The following CCDC85A variants were observed in gnomAD, a reference collection of about 807,000 sequenced individuals.
The protein encoded by CCDC85A is coiled-coil domain-containing protein 85A.
Under a neutral mutation model 50.2 loss-of-function variants are expected in CCDC85A, and 38 were observed. The observed-to-expected ratio is 0.76, with a 90% CI of 0.58 to 0.99. The LOEUF (loss-of-function observed/expected upper bound fraction) is 0.99, where lower values mean the gene tolerates loss of function less well. Ranked by LOEUF, CCDC85A falls within the 50% of genes least tolerant of loss-of-function variation. The probability of loss-of-function intolerance (pLI) is 0.00; values close to 1 mark genes in which losing one functional copy is unlikely to be tolerated. For missense variants in CCDC85A, 820 were observed against 742.0 expected (o/e 1.11, Z -1.22); for synonymous variants, 366 against 301.4 (o/e 1.21, Z -2.22).
At chr2:56,202,361 C>T (rs546825175) in intron 2 of CCDC85A, among the ~76,000 whole-genome samples, 1 of 152,320 alleles carries the variant, frequency 6.6e-6, no homozygotes, top group East Asian at 1.9e-4. Flanking sequence ...GGGAGTTCAA[C>T]AACCTTAGTA....
intron 2 of CCDC85A, among the ~76,000 whole-genome samples, chr2:56,275,980 C>A (rs978479959): frequency 1.3e-5 from 2 of 152,142 alleles, no homozygotes; most frequent in African/African-American, 2.4e-5. Context: ...ATGGGCTAGC[C>A]TCATGATGTT....
At chr2:56,295,322 C>CT (rs1396855900) in intron 2 of CCDC85A, among the ~76,000 whole-genome samples, 3 of 152,074 alleles carry the variant, frequency 2.0e-5, no homozygotes, top group Admixed American at 6.5e-5. Flanking sequence ...GGTTTTTATT[C>CT]TTTTTTGTAG....
intron 3 of CCDC85A, among the ~76,000 whole-genome samples, chr2:56,371,457 A>C (rs1676069907): frequency 1.3e-5 from 2 of 152,114 alleles, no homozygotes; most frequent in African/African-American, 4.8e-5. Flanking sequence ...CAACCTCAAC[A>C]TTTAGACACT....
At chr2:56,275,237 A>C (rs1483739293) in intron 2 of CCDC85A, among the ~76,000 whole-genome samples, 1 of 151,804 alleles carries the variant, frequency 6.6e-6, no homozygotes, top group Admixed American at 6.5e-5. Context: ...CCTTGAATGA[A>C]TGTATCCCCA....
intron 2 of CCDC85A, among the ~76,000 whole-genome samples, chr2:56,251,834 C>T (rs1003313574): frequency 6.6e-6 from 1 of 152,064 alleles, no homozygotes; most frequent in Non-Finnish European, 1.5e-5. Context: ...GAAAAGAACC[C>T]TGAACAAGTG....
At chr2:56,304,552 G>T (rs1056655733) in intron 2 of CCDC85A, among the ~76,000 whole-genome samples, 2 of 152,166 alleles carry the variant, frequency 1.3e-5, no homozygotes, top group African/African-American at 4.8e-5. Context: ...GAGAAGAACT[G>T]TGGGACGGGA....
intron 2 of CCDC85A, among the ~76,000 whole-genome samples, chr2:56,293,669 G>C (rs576680100): frequency 2.0e-5 from 3 of 152,190 alleles, no homozygotes; most frequent in Non-Finnish European, 4.4e-5. Context: ...CTTCTCAAAA[G>C]AAGACATATA....
At chr2:56,283,019 A>G (rs1671274780) in intron 2 of CCDC85A, among the ~76,000 whole-genome samples, 1 of 152,232 alleles carries the variant, frequency 6.6e-6, no homozygotes, top group African/African-American at 2.4e-5. Context: ...TCCTACGACA[A>G]TATTAAATTC....
chr2:56,374,867 ACTCCT>A (rs1676256305), intron 4 of CCDC85A, among the ~76,000 whole-genome samples: 1 of 152,084 alleles, frequency 6.6e-6, no homozygotes, highest in Admixed American at 6.6e-5. Flanking sequence ...ACCTTCAGTG[ACTCCT>A]CTTCGGGGTG....
chr2:56,285,334 C>A (rs1046795999), intron 2 of CCDC85A, among the ~76,000 whole-genome samples: 1 of 150,776 alleles, frequency 6.6e-6, no homozygotes, highest in East Asian at 1.9e-4. Flanking sequence ...GAACTCCTGA[C>A]GTTAAGTGAT....
intron 3 of CCDC85A, among the ~76,000 whole-genome samples, chr2:56,361,185 C>T (rs1025186396): frequency 1.3e-4 from 20 of 151,706 alleles, no homozygotes; most frequent in African/African-American, 4.6e-4. Context: ...ACCCAGGAGG[C>T]GGAGCTTGCA....
intron 3 of CCDC85A, among the ~76,000 whole-genome samples, chr2:56,353,622 G>A (rs1675067374): frequency 1.3e-5 from 2 of 152,206 alleles, no homozygotes; most frequent in Non-Finnish European, 2.9e-5. Context: ...CTAGTTGGTG[G>A]AGAGGAACCC....
chr2:56,201,372 G>A (rs1244936328), intron 2 of CCDC85A, among the ~76,000 whole-genome samples: 1 of 152,194 alleles, frequency 6.6e-6, no homozygotes, highest in Non-Finnish European at 1.5e-5. Context: ...GCATTTGAAA[G>A]TGGTCTCTGA....
At chr2:56,344,659 A>AT (rs1674544729) in intron 3 of CCDC85A, among the ~76,000 whole-genome samples, 1 of 152,030 alleles carries the variant, frequency 6.6e-6, no homozygotes, top group Admixed American at 6.6e-5. Context: ...TCCTTTTAAA[A>AT]TTTTTTTGTG....
At chr2:56,258,351 A>T (rs1320884113) in intron 2 of CCDC85A, among the ~76,000 whole-genome samples, 1 of 152,218 alleles carries the variant, frequency 6.6e-6, no homozygotes, top group East Asian at 1.9e-4. Flanking sequence ...ACCAGGGTGT[A>T]AGAAGTTATG....
chr2:56,315,606 A>G (rs1186896199), intron 2 of CCDC85A, among the ~76,000 whole-genome samples: 2 of 152,124 alleles, frequency 1.3e-5, no homozygotes, highest in Admixed American at 1.3e-4. Context: ...TCTGTATGCT[A>G]TTCCATTGAG....
chr2:56,325,836 T>G (rs537133996), intron 2 of CCDC85A, among the ~76,000 whole-genome samples: 1 of 152,218 alleles, frequency 6.6e-6, no homozygotes, highest in South Asian at 2.1e-4. Flanking sequence ...GCACTTTGCT[T>G]TGGATGGCTT....
At chr2:56,323,170 G>A (rs1440851058) in intron 2 of CCDC85A, among the ~76,000 whole-genome samples, 1 of 152,104 alleles carries the variant, frequency 6.6e-6, no homozygotes, top group Non-Finnish European at 1.5e-5. Context: ...GGGAGGGATA[G>A]CATTAGGAGA....
At position 56,375,836 on chromosome 2, in the gene CCDC85A, A is replaced by C; in HGVS notation, c.1473A>C (p.Ser491=). ...CTAAGGGTTCTTTTAGGTTGTCATC[A>C]GGGGCTGATGGGAGTAACAGTTCAC... ...PTLPGSFRLS[S]GADGSNSSPN... is the part of the protein sequence containing the mutation. The change falls in exon 5 of 6, where the codon TCA becomes TCC. Residue 491 remains serine, a synonymous_variant. Transcript: ENST00000407595. 6.2e-7 allele frequency: 1 copy of C among 1,613,702 alleles called. No homozygotes were observed. Among genetic ancestry groups the C allele is most frequent in the East Asian group, 2.2e-5 (1 of 44,848 alleles).
Sources: allele counts gnomAD v4.1 joint callset (sites outside exome capture counted in the v4.1 genomes callset), GRCh38; gene constraint gnomAD v4.1.1; transcripts MANE v1.5; gene names NCBI Gene and HGNC (gene_info 2026-07-23, HGNC 2026-07-21).